The following WDPCP variants were observed in gnomAD, a reference collection of about 807,000 sequenced individuals.
WDPCP encodes WD repeat-containing and planar cell polarity effector protein fritz homolog.
A neutral mutation model predicts 93.1 loss-of-function variants in WDPCP; 71 were observed. That is an observed-to-expected ratio of 0.76 (90% confidence interval 0.63 to 0.93). The LOEUF (loss-of-function observed/expected upper bound fraction) is 0.93, where lower values mean the gene tolerates loss of function less well. WDPCP is among the 40% of genes least tolerant of loss of function. The probability of loss-of-function intolerance (pLI) is 0.00; values close to 1 mark genes in which losing one functional copy is unlikely to be tolerated. For missense variants in WDPCP, 844 were observed against 887.4 expected (o/e 0.95, Z 0.62); for synonymous variants, 315 against 315.0 (o/e 1.00, Z 0.00).
At chr2:63,249,840 T>C (rs1680577647) in intron 14 of WDPCP, among the ~76,000 whole-genome samples, 1 of 152,224 alleles carries the variant, frequency 6.6e-6, no homozygotes, top group South Asian at 2.1e-4. Flanking sequence ...CGAACACCTT[T>C]CTGTTTGTGT....
At chr2:63,801,840 G>A (rs559205977) in intron 2 of WDPCP, among the ~76,000 whole-genome samples, 1 of 152,254 alleles carries the variant, frequency 6.6e-6, no homozygotes, top group Non-Finnish European at 1.5e-5. Flanking sequence ...CACAAAGCAA[G>A]CGATCCAAGA....
chr2:63,450,561 C>T (rs563800794), intron 6 of WDPCP, among the ~76,000 whole-genome samples: 1 of 152,282 alleles, frequency 6.6e-6, no homozygotes, highest in South Asian at 2.1e-4. Flanking sequence ...ACTGCTAACA[C>T]CAGTGCCACT....
At chr2:63,608,334 A>G (rs919929756) in intron 3 of WDPCP, among the ~76,000 whole-genome samples, 5 of 152,172 alleles carry the variant, frequency 3.3e-5, no homozygotes, top group African/African-American at 4.8e-5. Context: ...TGTTAGAAGT[A>G]AGTAATAAAC....
At chr2:63,244,003 GA>G (rs554230019) in intron 14 of WDPCP, among the ~76,000 whole-genome samples, 17 of 148,098 alleles carry the variant, frequency 1.1e-4, no homozygotes, top group Non-Finnish European at 1.3e-4. Flanking sequence ...CTCAATAAAT[GA>G]AAAAAAAAAT....
At chr2:63,134,375 C>A (rs1413238330) in intron 17 of WDPCP, among the ~76,000 whole-genome samples, 1 of 152,142 alleles carries the variant, frequency 6.6e-6, no homozygotes, top group African/African-American at 2.4e-5. Flanking sequence ...ATCAATAATA[C>A]CCACTCGGCA....
intron 12 of WDPCP, among the ~76,000 whole-genome samples, chr2:63,320,229 A>C (rs1362683128): frequency 6.6e-6 from 1 of 152,202 alleles, no homozygotes; most frequent in East Asian, 1.9e-4. Flanking sequence ...TATATGCAGC[A>C]AAGACTCTTT....
chr2:63,605,650 GC>G (rs1709513656), intron 3 of WDPCP, among the ~76,000 whole-genome samples: 1 of 152,172 alleles, frequency 6.6e-6, no homozygotes, highest in South Asian at 2.1e-4. Flanking sequence ...CTGGCACAAT[GC>G]CTGATACATA....
intron 2 of WDPCP, among the ~76,000 whole-genome samples, chr2:63,762,398 A>C (rs1213599864): frequency 6.6e-6 from 1 of 152,184 alleles, no homozygotes; most frequent in African/African-American, 2.4e-5. Context: ...GGTAAGAAAA[A>C]ATGCACTCAT....
chr2:63,246,653 G>A (rs919569821), intron 14 of WDPCP, among the ~76,000 whole-genome samples: 8 of 152,172 alleles, frequency 5.3e-5, no homozygotes, highest in Non-Finnish European at 7.3e-5. Flanking sequence ...ACAGTTGTGC[G>A]TGACTGGCAC....
intron 6 of WDPCP, among the ~76,000 whole-genome samples, chr2:63,445,909 A>C (rs776783495): frequency 6.6e-6 from 1 of 152,214 alleles, no homozygotes; most frequent in Non-Finnish European, 1.5e-5. Flanking sequence ...TGCAAGTTTT[A>C]AAAACAATAG....
At chr2:63,745,602 G>C (rs946277964) in intron 2 of WDPCP, among the ~76,000 whole-genome samples, 3 of 151,814 alleles carry the variant, frequency 2.0e-5, no homozygotes. Context: ...TGGTCTTATA[G>C]CTCTGCATTA....
At position 63,313,254 on chromosome 2, in the gene WDPCP, G is replaced by C. The variant is rs748526293; in HGVS notation, c.1806C>G (p.Leu602=). 6.2e-7 allele frequency: 1 copy of C among 1,613,530 alleles called. No homozygotes were observed. The highest frequency in any genetic ancestry group is 8.5e-7 in the Non-Finnish European group (1 of 1,179,626). The stretch of plus-strand genomic sequence containing the variant: ...ATCTCTGAAAATGACTCACCATAAA[G>C]AGGTCACGAGCACCAACGTCAACAG... ...LLAVDVGARD[L]FMDIHYLALD... Residue 602 remains leucine (L), a synonymous_variant, in exon 13 of 18, where the codon CTC becomes CTG. Transcript: ENST00000272321.
intron 3 of WDPCP, among the ~76,000 whole-genome samples, chr2:63,596,916 A>C (rs10865341): frequency 6.6e-6 from 1 of 151,694 alleles, no homozygotes; most frequent in Non-Finnish European, 1.5e-5. Context: ...CTATAAAATC[A>C]GAAGATTAAA....
At chr2:63,159,097 A>ACC (rs1672474403) in intron 15 of WDPCP, among the ~76,000 whole-genome samples, 3 of 150,158 alleles carry the variant, frequency 2.0e-5, no homozygotes, top group Non-Finnish European at 4.4e-5. Context: ...TTAAGGCTGC[A>ACC]GTGAGCTGTG....
chr2:63,531,438 G>A (rs1703838142), intron 1 of WDPCP, among the ~76,000 whole-genome samples: 1 of 152,200 alleles, frequency 6.6e-6, no homozygotes, highest in Non-Finnish European at 1.5e-5. Context: ...ACACCTCCCA[G>A]TAGGGCTGAC....
intron 2 of WDPCP, among the ~76,000 whole-genome samples, chr2:63,748,547 T>C (rs1018566150): frequency 1.3e-5 from 2 of 152,110 alleles, no homozygotes; most frequent in Non-Finnish European, 2.9e-5. Flanking sequence ...TTTTTTAGTA[T>C]AAACCAATCC....
intron 9 of WDPCP, among the ~76,000 whole-genome samples, chr2:63,409,036 A>G (rs1158196431): frequency 2.6e-5 from 4 of 152,182 alleles, no homozygotes; most frequent in Non-Finnish European, 5.9e-5. Flanking sequence ...GTCCCTCTCC[A>G]TAATACCACA....
chr2:63,135,814 C>T (rs1186213306), intron 17 of WDPCP, among the ~76,000 whole-genome samples: 1 of 152,112 alleles, frequency 6.6e-6, no homozygotes, highest in Non-Finnish European at 1.5e-5. Context: ...CTACTGCAGC[C>T]TCTAACTCCT....
intron 14 of WDPCP, among the ~76,000 whole-genome samples, chr2:63,255,499 G>A (rs1165409906): frequency 6.6e-6 from 1 of 152,100 alleles, no homozygotes; most frequent in South Asian, 2.1e-4. Flanking sequence ...CTGAGTTCTT[G>A]CTCTGTTAGT....
Sources: allele counts gnomAD v4.1 joint callset (sites outside exome capture counted in the v4.1 genomes callset), GRCh38; gene constraint gnomAD v4.1.1; transcripts MANE v1.5; gene names NCBI Gene and HGNC (gene_info 2026-07-23, HGNC 2026-07-21).